Variants in GPC6 observed in about 807,000 individuals in gnomAD.
GPC6 encodes the protein glypican-6.
A neutral mutation model predicts 55.2 loss-of-function variants in GPC6; 14 were observed. That is an observed-to-expected ratio of 0.25 (90% CI 0.17 to 0.40). GPC6 has a LOEUF of 0.40. Ranked by LOEUF, GPC6 falls within the 10% of genes least tolerant of loss-of-function variation. The pLI, the probability that GPC6 is intolerant of heterozygous loss-of-function variation, is 1.00. For missense variants in GPC6, 641 were observed against 708.5 expected (o/e 0.90, Z 1.08); for synonymous variants, 278 against 259.6 (o/e 1.07, Z -0.68).
chr13:94,319,428 G>A (rs1876706985), intron 6 of GPC6, among the ~76,000 whole-genome samples: 1 of 152,036 alleles, frequency 6.6e-6, no homozygotes, highest in Non-Finnish European at 1.5e-5. Flanking sequence ...TATGTTGTGT[G>A]TGTTTTACAC....
intron 1 of GPC6, among the ~76,000 whole-genome samples, chr13:93,289,555 A>T (rs1878252436): frequency 6.6e-6 from 1 of 152,198 alleles, no homozygotes; most frequent in African/African-American, 2.4e-5. Flanking sequence ...TATATGCCGA[A>T]ATTACTAACA....
At chr13:93,790,801 G>A (rs1886007329) in intron 2 of GPC6, among the ~76,000 whole-genome samples, 1 of 152,156 alleles carries the variant, frequency 6.6e-6, no homozygotes, top group Non-Finnish European at 1.5e-5. Flanking sequence ...AGCTTCTTAG[G>A]TACAGAGGAT....
chr13:93,237,014 T>A (rs1876257840), intron 1 of GPC6, among the ~76,000 whole-genome samples: 1 of 152,216 alleles, frequency 6.6e-6, no homozygotes, highest in South Asian at 2.1e-4. Flanking sequence ...TTGTGAGTTG[T>A]GTTGTGATAA....
chr13:94,066,270 C>T (rs1884512725), intron 4 of GPC6, among the ~76,000 whole-genome samples: 1 of 152,104 alleles, frequency 6.6e-6, no homozygotes, highest in African/African-American at 2.4e-5. Flanking sequence ...TTATTCACCC[C>T]ATGCTGTTCA....
At chr13:94,382,642 A>C in intron 7 of GPC6, 92 bp downstream of exon 7, 1 of 1,539,198 alleles carries the variant, frequency 6.5e-7, no homozygotes, top group Non-Finnish European at 9.0e-7. Context: ...CTGTTTATGC[A>C]AAAAGCAACA....
intron 3 of GPC6, among the ~76,000 whole-genome samples, chr13:94,008,572 A>T (rs1381396455): frequency 3.3e-5 from 5 of 152,070 alleles, no homozygotes; most frequent in Admixed American, 2.6e-4. Flanking sequence ...GAATCGCTTG[A>T]ACCCAGGAAG....
intron 1 of GPC6, among the ~76,000 whole-genome samples, chr13:93,509,929 C>T (rs1468484619): frequency 2.0e-5 from 3 of 152,164 alleles, no homozygotes; most frequent in African/African-American, 7.2e-5. Context: ...GCAGATTTCT[C>T]AGATACCTAG....
chr13:93,751,924 A>G (rs1171916740), intron 2 of GPC6, among the ~76,000 whole-genome samples: 1 of 151,758 alleles, frequency 6.6e-6, no homozygotes, highest in Non-Finnish European at 1.5e-5. Context: ...CACCATTCTG[A>G]TTTGTGTGGT....
chr13:94,001,762 G>A (rs1348480017), intron 3 of GPC6, among the ~76,000 whole-genome samples: 1 of 152,030 alleles, frequency 6.6e-6, no homozygotes, highest in Non-Finnish European at 1.5e-5. Flanking sequence ...CAAAGTAAAA[G>A]AACCATCAAA....
intron 1 of GPC6, among the ~76,000 whole-genome samples, chr13:93,340,864 T>A (rs752168241): frequency 2.6e-5 from 4 of 152,196 alleles, no homozygotes; most frequent in Non-Finnish European, 5.9e-5. Flanking sequence ...TGGTGATTTC[T>A]GAAATTTTAG....
At chr13:93,396,576 AAATAATAAT>A (rs148474237) in intron 1 of GPC6, among the ~76,000 whole-genome samples, 3 of 150,316 alleles carry the variant, frequency 2.0e-5, no homozygotes, top group African/African-American at 4.9e-5. Context: ...TCAAAAAAGA[AAATAATAAT>A]AATAATAATA....
chr13:93,285,915 T>C (rs368629946), intron 1 of GPC6, among the ~76,000 whole-genome samples: 16 of 152,252 alleles, frequency 1.1e-4, no homozygotes, highest in African/African-American at 3.6e-4. Flanking sequence ...TTTAAAAATT[T>C]AGGAGATAAT....
intron 7 of GPC6, among the ~76,000 whole-genome samples, chr13:94,393,524 A>C (rs1257865887): frequency 6.6e-6 from 1 of 152,188 alleles, no homozygotes; most frequent in African/African-American, 2.4e-5. Context: ...TATTGAGTGG[A>C]GCTCATTTGT....
chr13:93,619,292 G>C (rs1021736658), intron 2 of GPC6, among the ~76,000 whole-genome samples: 2 of 152,086 alleles, frequency 1.3e-5, no homozygotes, highest in African/African-American at 2.4e-5. Context: ...TTATGAATAA[G>C]TCAGTCTACT....
chr13:93,894,888 C>T (rs1475518839), intron 3 of GPC6, among the ~76,000 whole-genome samples: 2 of 151,842 alleles, frequency 1.3e-5, no homozygotes, highest in South Asian at 2.1e-4. Flanking sequence ...TCCATTTGAA[C>T]TCCCACTTTT....
At chr13:93,661,374 C>T (rs984910756) in intron 2 of GPC6, among the ~76,000 whole-genome samples, 6 of 151,974 alleles carry the variant, frequency 3.9e-5, no homozygotes, top group African/African-American at 1.2e-4. Flanking sequence ...CCACCATGCC[C>T]GGCTAATTTT....
At position 94,054,292 on chromosome 13, in the gene GPC6, T is replaced by C. The variant is rs138809385; in HGVS notation, c.877+26398T>C. Among the ~76,000 whole-genome samples, 509 of 152,300 alleles carry C rather than the reference T, an allele frequency of 3.3e-3. 6 individuals are homozygous for C. Among genetic ancestry groups the C allele is most frequent in the African/African-American group, 0.012 (496 of 41,576 alleles). The stretch of plus-strand genomic sequence containing the variant: ...TAGGGCCAGTGTCACGGAGGATGGC[T>C]GATTGTCACTCGCAAAGCCCAGCCT... On this transcript the variant is annotated intron_variant, in intron 4 of 8. Transcript: ENST00000377047.
intron 6 of GPC6, among the ~76,000 whole-genome samples, chr13:94,348,084 C>T (rs1415798756): frequency 2.6e-5 from 4 of 152,190 alleles, no homozygotes. Context: ...AGACATCGTC[C>T]TAATTTCTAA....
chr13:93,552,466 TTCTCTGTC>T (rs1258060555), intron 2 of GPC6, among the ~76,000 whole-genome samples: 2 of 150,492 alleles, frequency 1.3e-5, no homozygotes, highest in Admixed American at 6.6e-5. Context: ...TCCTCCTCCT[TTCTCTGTC>T]TCTCTGTCTC....
Sources: gnomAD v4.1 joint callset for allele counts (sites outside exome capture counted in the v4.1 genomes callset) on GRCh38, gnomAD v4.1.1 for gene constraint, MANE v1.5 for transcripts, NCBI Gene and HGNC (gene_info 2026-07-23, HGNC 2026-07-21) for gene names.